Variants in DNAH5 observed in about 807,000 individuals in gnomAD.
The protein encoded by DNAH5 is dynein axonemal heavy chain 5.
Under a neutral mutation model 518.2 loss-of-function variants are expected in DNAH5, and 372 were observed. That is an observed-to-expected ratio of 0.72 (90% CI 0.66 to 0.78). The LOEUF (loss-of-function observed/expected upper bound fraction) is 0.78, where lower values mean the gene tolerates loss of function less well. Among genes scored for constraint, DNAH5 ranks in the 30% least tolerant of loss-of-function variants. The pLI is 0.00. For missense variants in DNAH5, 5,523 were observed against 5,687.0 expected (o/e 0.97, Z 0.93); for synonymous variants, 2,039 against 2,025.9 (o/e 1.01, Z -0.17).
intron 75 of DNAH5, among the ~76,000 whole-genome samples, chr5:13,712,043 C>G (rs1006319241): frequency 2.0e-5 from 3 of 152,114 alleles, no homozygotes; most frequent in Admixed American, 1.3e-4. Context: ...CAAAAAAGAG[C>G]CTGCCTAGCC....
intron 18 of DNAH5, 74 bp from the exon 19 acceptor site, chr5:13,885,302 C>T (rs1180734466): frequency 6.5e-7 from 1 of 1,537,500 alleles, no homozygotes; most frequent in Non-Finnish European, 8.9e-7. Context: ...GATAGATAGA[C>T]AGATAGATAG....
chr5:13,801,759 C>A (rs188931336), intron 47 of DNAH5, among the ~76,000 whole-genome samples: 1 of 152,112 alleles, frequency 6.6e-6, no homozygotes, highest in Admixed American at 6.6e-5. Context: ...TCTATGGTAC[C>A]CACTACTTAC....
chr5:13,933,880 AC>A (rs1000024034), intron 1 of DNAH5, among the ~76,000 whole-genome samples: 2 of 151,880 alleles, frequency 1.3e-5, no homozygotes, highest in Non-Finnish European at 2.9e-5. Context: ...ATGGAGAGTG[AC>A]CAATAGCAAC....
Position 13,901,358 on chromosome 5 carries a change from G to T in DNAH5, c.1946C>A (p.Ala649Asp), listed in dbSNP as rs376971059. Residue 649 changes from alanine to aspartate, a missense_variant, in exon 14 of 79, where the codon GCT becomes GAT. Ala to Asp is a moderately radical substitution (Grantham distance 126, BLOSUM62 -2). Coordinates refer to ENST00000265104, the MANE Select transcript of DNAH5 (RefSeq NM_001369.3). ...TTTGGCTTCTGCCGTGCTTAGCACA[G>T]CTGGGTGCTGCTGGAAAAGCTGCAT... ...QPMQLFQQHP[A>D]VLSTAEAKPI... The T allele has an allele frequency of 6.2e-7, 1 of 1,614,166 alleles. No individual in the cohort carries two copies. The highest frequency in any genetic ancestry group is 8.5e-7 in the Non-Finnish European group (1 of 1,180,020).
chr5:13,759,769 T>G (rs1344954393), intron 60 of DNAH5, among the ~76,000 whole-genome samples: 1 of 152,238 alleles, frequency 6.6e-6, no homozygotes. Flanking sequence ...TTTAAAATCA[T>G]TTTTGAAACC....
rs776025009 is a variant in DNAH5 at position 13,919,226 on chromosome 5, C to A, written c.925G>T (p.Val309Leu). 39 of 1,614,008 alleles carry A rather than the reference C, an allele frequency of 2.4e-5. No individual in the cohort carries two copies. The South Asian group carries it at 3.6e-4, about 15-fold the overall frequency. The stretch of plus-strand genomic sequence containing the variant: ...GCAAGCACTGCCAGCACAGCCTTCA[C>A]ATCCGGGCTTTTCAATTGTTCCAAA... ...YLLEQLKSPD[V>L]KAVLAVLAAA... is the part of the protein sequence containing the mutation. Residue 309 changes from valine to leucine, a missense_variant, in exon 7 of 79, where the codon GTG becomes TTG. Physicochemically the swap from Val to Leu is conservative, Grantham distance 32. Transcript: ENST00000265104.
chr5:13,752,598 T>A (rs1332515610), intron 63 of DNAH5, among the ~76,000 whole-genome samples: 3 of 152,248 alleles, frequency 2.0e-5, no homozygotes, highest in Admixed American at 1.3e-4. Flanking sequence ...GAAACATAAA[T>A]GAATTTCGTG....
intron 32 of DNAH5, among the ~76,000 whole-genome samples, chr5:13,842,496 A>G (rs1765424608): frequency 7.9e-6 from 1 of 127,054 alleles, no homozygotes; most frequent in Non-Finnish European, 1.7e-5. Flanking sequence ...AAAGAAAAGA[A>G]AGAAAGAAAG....
intron 29 of DNAH5, among the ~76,000 whole-genome samples, chr5:13,859,847 G>A (rs1768147442): frequency 6.6e-6 from 1 of 152,090 alleles, no homozygotes; most frequent in South Asian, 2.1e-4. Flanking sequence ...AATCTAAGGA[G>A]TAGATCAGGC....
chr5:13,782,323 ATATG>A (rs1378783045), intron 52 of DNAH5, among the ~76,000 whole-genome samples: 1 of 152,164 alleles, frequency 6.6e-6, no homozygotes, highest in Non-Finnish European at 1.5e-5. Context: ...CCTGTTGAAA[ATATG>A]CCTGGTTTTG....
At chr5:13,992,439 A>C (rs1290708343) in intron 1 of DNAH5, among the ~76,000 whole-genome samples, 1 of 152,230 alleles carries the variant, frequency 6.6e-6, no homozygotes, top group South Asian at 2.1e-4. Context: ...CTTTCTTGTA[A>C]AGGTCATTTG....
At chr5:13,890,300 G>A (rs1209605415) in intron 17 of DNAH5, among the ~76,000 whole-genome samples, 1 of 151,816 alleles carries the variant, frequency 6.6e-6, no homozygotes, top group Non-Finnish European at 1.5e-5. Context: ...CCAGCTACTC[G>A]GGAAGCTGAG....
At chr5:13,835,478 C>T (rs1215369871) in intron 35 of DNAH5, among the ~76,000 whole-genome samples, 1 of 152,146 alleles carries the variant, frequency 6.6e-6, no homozygotes, top group Non-Finnish European at 1.5e-5. Flanking sequence ...GTCCATCCAA[C>T]AGGGCAATTC....
intron 78 of DNAH5, among the ~76,000 whole-genome samples, chr5:13,700,046 A>C (rs1741886428): frequency 6.6e-6 from 1 of 152,238 alleles, no homozygotes; most frequent in South Asian, 2.1e-4. Flanking sequence ...ACTTCACAGA[A>C]GTGTTATTAC....
chr5:13,910,487 A>G (rs993230475), intron 12 of DNAH5, among the ~76,000 whole-genome samples: 1 of 152,202 alleles, frequency 6.6e-6, no homozygotes, highest in African/African-American at 2.4e-5. Flanking sequence ...TTTACTTTGA[A>G]GTGCACAAAT....
At chr5:13,891,176 T>TA (rs1561517385) in intron 16 of DNAH5, 55 bp from the exon 17 acceptor site, 1 of 1,591,444 alleles carries the variant, frequency 6.3e-7, no homozygotes, top group South Asian at 1.1e-5. Context: ...TTTTGTTTTT[T>TA]AAAAAAATCA....
At chr5:13,709,244 G>C (rs1339262382) in intron 75 of DNAH5, among the ~76,000 whole-genome samples, 1 of 152,044 alleles carries the variant, frequency 6.6e-6, no homozygotes, top group Non-Finnish European at 1.5e-5. Flanking sequence ...TTGAAAATGA[G>C]ATACAAAAGG....
intron 15 of DNAH5, chr5:13,898,561 T>G: frequency 2.5e-6 from 1 of 398,596 alleles, no homozygotes; most frequent in Non-Finnish European, 4.4e-6. Flanking sequence ...GTTCTGGTCT[T>G]ACTTCTGCCA....
chr5:13,779,538 A>T (rs766627296), intron 53 of DNAH5, among the ~76,000 whole-genome samples: 3 of 152,224 alleles, frequency 2.0e-5, no homozygotes, highest in Non-Finnish European at 2.9e-5. Context: ...AATGATTTTC[A>T]GCCCAACCTA....
Sources: gnomAD v4.1 joint callset for allele counts (sites outside exome capture counted in the v4.1 genomes callset) on GRCh38, gnomAD v4.1.1 for gene constraint, MANE v1.5 for transcripts, NCBI Gene and HGNC (gene_info 2026-07-23, HGNC 2026-07-21) for gene names.